Variants in SYNE1 observed in about 807,000 individuals in gnomAD.
SYNE1 encodes the protein nesprin-1.
Under a neutral mutation model 1,111.0 loss-of-function variants are expected in SYNE1, and 616 were observed. The observed-to-expected ratio is 0.55, with a 90% CI of 0.52 to 0.59. SYNE1 has a LOEUF of 0.59. Among genes scored for constraint, SYNE1 ranks in the 20% least tolerant of loss-of-function variants. The pLI, the probability that SYNE1 is intolerant of heterozygous loss-of-function variation, is 0.00. For synonymous variants in SYNE1, 3,855 were observed against 3,825.8 expected (o/e 1.01, Z -0.28); for missense variants, 10,006 against 10,417.0 (o/e 0.96, Z 1.72).
chr6:152,522,018 C>G (rs1300356861), intron 5 of SYNE1, among the ~76,000 whole-genome samples: 1 of 151,944 alleles, frequency 6.6e-6, no homozygotes, highest in Non-Finnish European at 1.5e-5. Context: ...TTTGTATAGG[C>G]CATGAGATAA....
At chr6:152,439,945 T>G (rs2098513204) in intron 32 of SYNE1, among the ~76,000 whole-genome samples, 1 of 152,172 alleles carries the variant, frequency 6.6e-6, no homozygotes, top group African/African-American at 2.4e-5. Flanking sequence ...GATGCCCCAT[T>G]GGAGTCTCAA....
At chr6:152,476,883 A>T (rs1033952231) in intron 14 of SYNE1, among the ~76,000 whole-genome samples, 9 of 150,710 alleles carry the variant, frequency 6.0e-5, no homozygotes, top group Admixed American at 2.6e-4. Context: ...AAAAAAAAAG[A>T]AAAGAAAAGA....
chr6:152,139,759 A>AAGAAAGAAAGAAGGAAAG (rs2058146151), intron 140 of SYNE1, among the ~76,000 whole-genome samples, 191 bp downstream of exon 140: 1 of 151,162 alleles, frequency 6.6e-6, no homozygotes, highest in Non-Finnish European at 1.5e-5. Flanking sequence ...GAAAAGAAAA[A>AAGAAAGAAAGAAGGAAAG]AAAGAAAACC....
intron 6 of SYNE1, among the ~76,000 whole-genome samples, chr6:152,519,255 G>C (rs567554170): frequency 3.4e-4 from 52 of 152,230 alleles, no homozygotes; most frequent in African/African-American, 1.2e-3. Context: ...TTTAGATCTT[G>C]GTTTCTAAAT....
chr6:152,290,055 C>G (rs1316555969), intron 95 of SYNE1, among the ~76,000 whole-genome samples: 1 of 151,368 alleles, frequency 6.6e-6, no homozygotes, highest in Non-Finnish European at 1.5e-5. Flanking sequence ...TTCTCACATT[C>G]TATTTTAGTT....
At chr6:152,606,978 C>CTTTTTT (rs71017544) in intron 3 of SYNE1, among the ~76,000 whole-genome samples, 2 of 62,208 alleles carry the variant, frequency 3.2e-5, no homozygotes, top group East Asian at 4.6e-4. Flanking sequence ...CCTCGGTTCT[C>CTTTTTT]TTTTTTTTTT....
intron 137 of SYNE1, chr6:152,145,560 A>C (rs2059330609): frequency 2.5e-6 from 4 of 1,611,768 alleles, no homozygotes; most frequent in Non-Finnish European, 3.4e-6. Flanking sequence ...TTACATCTGC[A>C]AAAAAAGCAC....
chr6:152,595,344 A>G (rs1357157003), intron 3 of SYNE1, among the ~76,000 whole-genome samples: 1 of 152,212 alleles, frequency 6.6e-6, no homozygotes, highest in Non-Finnish European at 1.5e-5. Context: ...GATTTCACAC[A>G]TCATCATCCA....
chr6:152,148,226 G>A lies in SYNE1; in HGVS notation c.24795C>T (p.Leu8265=). 6.2e-7 allele frequency: 1 copy of A among 1,614,064 alleles called. No individual in the cohort carries two copies. The change falls in exon 137 of 146, where the codon CTC becomes CTT. Residue 8265 remains leucine, a synonymous_variant. Transcript: ENST00000367255. This position sits in a 1 kb window ranked among gnomAD's most constrained non-coding sequence, Gnocchi z 4.1. ...SNLSLSLAQP[L]RSERSGRDTP... ...TGTCTCGTCCTGACCGCTCGCTCCG[G>A]AGGGGCTGAGCGAGCGAGAGGGAGA...
intron 63 of SYNE1, 61 bp from the exon 64 acceptor site, chr6:152,362,384 C>T: frequency 6.2e-7 from 1 of 1,607,860 alleles, no homozygotes; most frequent in South Asian, 1.1e-5. Context: ...TCTAAAATGT[C>T]ATTGTGTCTG....
In SYNE1 at chr6:152,493,775, C is replaced by T. The variant is rs111477386; in HGVS notation, c.939+4967G>A. Among the ~76,000 whole-genome samples, 22 of 152,326 alleles carry T rather than the reference C, an allele frequency of 1.4e-4. 1 individual carries two copies. The highest frequency in any genetic ancestry group is 4.8e-4 in the African/African-American group (20 of 41,576). ...TCCGGCTAATCTCCCAAACCCCAAC[C>T]CCTTCTACAAAGCAACAACTCCTTT... On this transcript the variant is annotated intron_variant, in intron 11 of 145. Transcript: ENST00000367255.
chr6:152,363,677 G>A (rs556186144), intron 63 of SYNE1: 8 of 453,514 alleles, frequency 1.8e-5, no homozygotes, highest in African/African-American at 1.4e-4. Flanking sequence ...AGTCCAGTTG[G>A]ACTTCTAATT....
At chr6:152,599,907 G>C (rs965204949) in intron 3 of SYNE1, among the ~76,000 whole-genome samples, 2 of 152,186 alleles carry the variant, frequency 1.3e-5, no homozygotes, top group African/African-American at 4.8e-5. Context: ...ATATCTGGTA[G>C]GTGAAATGTA....
At chr6:152,150,017 T>G (rs1369881544) in intron 135 of SYNE1, among the ~76,000 whole-genome samples, 16 of 152,198 alleles carry the variant, frequency 1.1e-4, no homozygotes, top group Admixed American at 1.0e-3. Context: ...GCAATGGCAG[T>G]CAATATACTG....
At position 152,441,204 on chromosome 6, in the gene SYNE1, T is replaced by C. The variant is rs377718960; in HGVS notation, c.4075A>G (p.Thr1359Ala). 70 of 1,613,010 alleles carry C rather than the reference T, an allele frequency of 4.3e-5. No individual in the cohort carries two copies. Among genetic ancestry groups the C allele is most frequent in the Non-Finnish European group, 5.4e-5 (64 of 1,179,434 alleles). The change falls in exon 32 of 146, where the codon ACA becomes GCA. Residue 1359 changes from threonine to alanine, a missense_variant. By Grantham distance (58) the Thr-to-Ala change is moderately conservative. Transcript: ENST00000367255. The part of the protein sequence containing the change: ...KETVVRYLFQ[T>A]GSSHERFLSF... ...AAGAAGCGTTCATGACTGGAACCTG[T>C]TTGAAAAAGGTATCTTACTACTGTT... is the stretch of plus-strand genomic sequence containing the variant.
At chr6:152,298,634 T>C (rs952515644) in intron 93 of SYNE1, among the ~76,000 whole-genome samples, 2 of 152,084 alleles carry the variant, frequency 1.3e-5, no homozygotes, top group Non-Finnish European at 1.5e-5. Context: ...GCTGTACACA[T>C]TCTGTGCACA....
intron 29 of SYNE1, among the ~76,000 whole-genome samples, chr6:152,445,412 G>A (rs1028777421): frequency 1.3e-5 from 2 of 151,724 alleles, no homozygotes; most frequent in African/African-American, 2.4e-5. Flanking sequence ...TCTAATTTCT[G>A]CTTCCTCTAT....
At chr6:152,141,390 G>C in intron 138 of SYNE1, 61 bp from the exon 139 acceptor site, 6 of 1,604,952 alleles carry the variant, frequency 3.7e-6, no homozygotes, top group Non-Finnish European at 5.1e-6. Context: ...AAAAGCTTCC[G>C]GGGAAAATCT....
intron 3 of SYNE1, among the ~76,000 whole-genome samples, chr6:152,620,413 C>T (rs999336300): frequency 2.6e-5 from 4 of 152,176 alleles, no homozygotes; most frequent in South Asian, 2.1e-4. Context: ...CCTGCTGTGT[C>T]TCCTCCATTG....
Sources: allele counts gnomAD v4.1 joint callset (sites outside exome capture counted in the v4.1 genomes callset), GRCh38; gene constraint gnomAD v4.1.1; non-coding constraint Gnocchi (gnomAD v3.1); transcripts MANE v1.5; gene names NCBI Gene and HGNC (gene_info 2026-07-23, HGNC 2026-07-21).